DNAH7: variants seen among roughly 807,000 people sequenced by gnomAD.
The protein encoded by DNAH7 is dynein axonemal heavy chain 7.
DNAH7 carries 397 observed loss-of-function variants against 444.6 expected under a neutral mutation model. The ratio of observed to expected loss-of-function variants is 0.89; its 90% confidence interval spans 0.82 to 0.97. DNAH7 has a LOEUF of 0.97. Ranked by LOEUF, DNAH7 falls within the 50% of genes least tolerant of loss-of-function variation. The pLI is 0.00. For synonymous variants in DNAH7, 1,636 were observed against 1,624.4 expected, an observed-to-expected ratio of 1.01 and a Z score of -0.17; for missense variants, 4,902 against 4,800.8, an observed-to-expected ratio of 1.02 and a Z score of -0.62.
chr2:195,989,115 C>T (rs1693124262), intron 12 of DNAH7, among the ~76,000 whole-genome samples: 1 of 152,152 alleles, frequency 6.6e-6, no homozygotes, highest in South Asian at 2.1e-4. Flanking sequence ...AATTCCATAT[C>T]TTGGTTATTA....
intron 29 of DNAH7, among the ~76,000 whole-genome samples, chr2:195,895,554 T>G (rs905482575): frequency 6.6e-6 from 1 of 152,156 alleles, no homozygotes; most frequent in Non-Finnish European, 1.5e-5. Context: ...ATCCCCCACG[T>G]CAGCCTCCTG....
intron 9 of DNAH7, among the ~76,000 whole-genome samples, chr2:196,016,038 C>T (rs6751734): frequency 0.2 from 30,683 of 152,166 alleles, 5,925 homozygotes; most frequent in African/African-American, 0.51. Flanking sequence ...ACCACAACTA[C>T]GGAGCCTAAT....
At chr2:195,836,244 T>A (rs2124968348) in intron 47 of DNAH7, among the ~76,000 whole-genome samples, 1 of 152,272 alleles carries the variant, frequency 6.6e-6, no homozygotes, top group East Asian at 1.9e-4. Flanking sequence ...AGGGCCAGCA[T>A]GGTGGCTTAC....
At chr2:195,909,592 C>G (rs1339508691) in intron 25 of DNAH7, among the ~76,000 whole-genome samples, 1 of 151,946 alleles carries the variant, frequency 6.6e-6, no homozygotes, top group East Asian at 1.9e-4. Flanking sequence ...AAAATAAAAA[C>G]AAATAATAAA....
intron 19 of DNAH7, among the ~76,000 whole-genome samples, chr2:195,940,602 G>C (rs1006904878): frequency 6.6e-6 from 1 of 151,960 alleles, no homozygotes; most frequent in Admixed American, 6.6e-5. Flanking sequence ...CCTACAGAAT[G>C]GGAGAACATT....
At chr2:196,048,655 TAG>T (rs1324903609) in intron 3 of DNAH7, among the ~76,000 whole-genome samples, 3 of 152,198 alleles carry the variant, frequency 2.0e-5, no homozygotes, top group Admixed American at 1.3e-4. Context: ...GTCTTCATTC[TAG>T]AGAGGCTACT....
intron 34 of DNAH7, 112 bp from the exon 35 acceptor site, chr2:195,884,921 G>A: frequency 4.9e-6 from 4 of 817,114 alleles, no homozygotes; most frequent in East Asian, 2.7e-5. Flanking sequence ...AAACACGTAA[G>A]CTCAAATATA....
chr2:195,790,889 A>T (rs1394258075), intron 57 of DNAH7, among the ~76,000 whole-genome samples: 5 of 152,176 alleles, frequency 3.3e-5, no homozygotes, highest in Non-Finnish European at 7.4e-5. Context: ...GAAACTATCA[A>T]CAGAGTAAAA....
Position 195,775,969 on chromosome 2 carries a change from G to A in DNAH7, c.11079C>T (p.Ile3693=), listed in dbSNP as rs772213540. 1.3e-5 allele frequency: 21 copies of A among 1,613,956 alleles called. No homozygotes were observed. The highest frequency in any genetic ancestry group is 4.4e-5 in the South Asian group (4 of 91,086). ...VPPSGDHKSY[I]EYTKTLPLTP... is the part of the protein sequence containing the mutation. The stretch of plus-strand genomic sequence containing the variant: ...TCAGTGGCAGAGTCTTTGTGTATTC[G>A]ATGTAGCTTTTGTGCTGCAGAGATG... Residue 3693 remains isoleucine, a synonymous_variant, in exon 60 of 65, where the codon ATC becomes ATT. Transcript: ENST00000312428.
chr2:195,941,786 T>C (rs1267246734), intron 19 of DNAH7, among the ~76,000 whole-genome samples: 1 of 152,142 alleles, frequency 6.6e-6, no homozygotes, highest in Non-Finnish European at 1.5e-5. Context: ...CTTACAATTT[T>C]AAGAGTCCTT....
chr2:196,048,251 C>G, intron 4 of DNAH7, 45 bp downstream of exon 4: 1 of 1,505,748 alleles, frequency 6.6e-7, no homozygotes, highest in Non-Finnish European at 9.2e-7. Flanking sequence ...TGGTCTCTCT[C>G]TACAAATTAT....
intron 47 of DNAH7, among the ~76,000 whole-genome samples, chr2:195,835,522 T>TA (rs1351491639): frequency 6.6e-6 from 1 of 152,178 alleles, no homozygotes; most frequent in Non-Finnish European, 1.5e-5. Flanking sequence ...ACCATATTTT[T>TA]ATCAGTTATT....
chr2:195,739,921 G>C (rs1001720655), intron 64 of DNAH7, among the ~76,000 whole-genome samples: 1 of 152,030 alleles, frequency 6.6e-6, no homozygotes, highest in Non-Finnish European at 1.5e-5. Context: ...TCACATTTTT[G>C]TGTTTTTGTT....
chr2:195,882,428 T>C (rs1006437976), intron 35 of DNAH7, among the ~76,000 whole-genome samples: 1 of 152,176 alleles, frequency 6.6e-6, no homozygotes, highest in Non-Finnish European at 1.5e-5. Context: ...TTTATAACAT[T>C]AGCTTATCAT....
At chr2:196,049,508 A>G (rs1697337572) in intron 3 of DNAH7, among the ~76,000 whole-genome samples, 1 of 152,260 alleles carries the variant, frequency 6.6e-6, no homozygotes, top group African/African-American at 2.4e-5. Context: ...TGAAGTCTGT[A>G]AAGAAAATCA....
intron 52 of DNAH7, among the ~76,000 whole-genome samples, chr2:195,809,207 T>C (rs1696846129): frequency 1.3e-5 from 2 of 152,244 alleles, no homozygotes; most frequent in Admixed American, 1.3e-4. Flanking sequence ...CTAGAAATTG[T>C]AGAAAGGCAG....
At chr2:196,004,892 T>C (rs1431880849) in intron 10 of DNAH7, among the ~76,000 whole-genome samples, 1 of 129,108 alleles carries the variant, frequency 7.7e-6, no homozygotes, top group Non-Finnish European at 1.6e-5. Context: ...GCCCAGGAGG[T>C]CAAGAGGATG....
intron 61 of DNAH7, among the ~76,000 whole-genome samples, chr2:195,765,435 A>G (rs755090378): frequency 6.6e-6 from 1 of 152,210 alleles, no homozygotes; most frequent in Non-Finnish European, 1.5e-5. Flanking sequence ...TAAAATGAAC[A>G]GAGAACACAG....
chr2:195,963,674 A>G (rs1691266124), intron 17 of DNAH7, among the ~76,000 whole-genome samples: 1 of 152,158 alleles, frequency 6.6e-6, no homozygotes, highest in Admixed American at 6.5e-5. Context: ...ATTACTCAAG[A>G]AATTTTTGCC....
Sources: allele counts gnomAD v4.1 joint callset (sites outside exome capture counted in the v4.1 genomes callset), GRCh38; gene constraint gnomAD v4.1.1; transcripts MANE v1.5; gene names NCBI Gene and HGNC (gene_info 2026-07-23, HGNC 2026-07-21).